Variants in RELCH observed in about 807,000 individuals in gnomAD.
RELCH encodes the protein RAB11 binding and LisH domain, coiled-coil and HEAT repeat containing, also known as RAB11-binding protein RELCH.
RELCH carries 41 observed loss-of-function variants against 150.3 expected under a neutral mutation model. That is an observed-to-expected ratio of 0.27 (90% CI 0.21 to 0.35). RELCH has a LOEUF of 0.35. RELCH is among the 10% of genes least tolerant of loss of function. RELCH has a pLI of 1.00. For synonymous variants in RELCH, 478 were observed against 531.8 expected (o/e 0.90, Z 1.39); for missense variants, 1,092 against 1,467.8 (o/e 0.74, Z 4.18).
chr18:62,302,590 G>T (rs965833629), intron 28 of RELCH, among the ~76,000 whole-genome samples: 1 of 151,924 alleles, frequency 6.6e-6, no homozygotes, highest in African/African-American at 2.4e-5. Flanking sequence ...GCACCATCTC[G>T]GCTCACTGCA....
chr18:62,253,173 G>A (rs1423048819), intron 12 of RELCH, among the ~76,000 whole-genome samples: 1 of 151,806 alleles, frequency 6.6e-6, no homozygotes, highest in East Asian at 1.9e-4. Flanking sequence ...GAATCTCTGA[G>A]GCAATGATGT....
intron 2 of RELCH, among the ~76,000 whole-genome samples, chr18:62,220,531 C>T (rs1370932644): frequency 4.6e-5 from 7 of 151,724 alleles, no homozygotes; most frequent in Middle Eastern, 3.4e-3. Context: ...CGTCTCTATA[C>T]GTTGATTTAT....
intron 12 of RELCH, 123 bp from the exon 13 acceptor site, chr18:62,255,284 A>G: frequency 1.4e-6 from 1 of 730,192 alleles, no homozygotes; most frequent in Non-Finnish European, 2.4e-6. Context: ...AGGGATTCCC[A>G]GAAGTGGAAA....
intron 2 of RELCH, among the ~76,000 whole-genome samples, chr18:62,211,834 CT>C (rs1460303149): frequency 2.0e-5 from 3 of 152,126 alleles, no homozygotes; most frequent in African/African-American, 7.2e-5. Context: ...GTGCTTGTTG[CT>C]AAAACTTTGC....
intron 23 of RELCH, chr18:62,280,415 T>C: frequency 6.2e-7 from 1 of 1,614,024 alleles, no homozygotes. Context: ...GCTCCGGCCC[T>C]TGTTACCTTG....
intron 8 of RELCH, among the ~76,000 whole-genome samples, chr18:62,229,279 ATATCC>A (rs2041405817): frequency 6.6e-6 from 1 of 152,054 alleles, no homozygotes; most frequent in Non-Finnish European, 1.5e-5. Context: ...ATTCTTACAA[ATATCC>A]TATGGTGCAT....
At chr18:62,261,712 C>A in intron 16 of RELCH, 54 bp downstream of exon 16, 2 of 1,493,502 alleles carry the variant, frequency 1.3e-6, no homozygotes, top group East Asian at 2.3e-5. Context: ...GCCTAGCTTC[C>A]CAAAGAATTG....
chr18:62,210,426 A>C (rs2040083914), intron 1 of RELCH, among the ~76,000 whole-genome samples: 1 of 152,122 alleles, frequency 6.6e-6, no homozygotes, highest in African/African-American at 2.4e-5. Flanking sequence ...AATAATTTCC[A>C]TTAATCCATC....
chr18:62,207,600 C>G (rs1039167038), intron 1 of RELCH, among the ~76,000 whole-genome samples: 1 of 152,218 alleles, frequency 6.6e-6, no homozygotes, highest in Non-Finnish European at 1.5e-5. Context: ...ACCATTCCCA[C>G]CAGCTAGATG....
intron 1 of RELCH, among the ~76,000 whole-genome samples, chr18:62,202,630 T>C (rs1455618087): frequency 1.3e-5 from 2 of 152,182 alleles, no homozygotes; most frequent in African/African-American, 4.8e-5. Flanking sequence ...TGTGTTTGCT[T>C]TCCCCCAAGA....
At chr18:62,266,855 A>G (rs1415870005) in intron 19 of RELCH, 106 bp downstream of exon 19, 5 of 656,088 alleles carry the variant, frequency 7.6e-6, no homozygotes, top group African/African-American at 1.9e-5. Context: ...AGCAACTACA[A>G]TTGAAAAGGA....
At chr18:62,217,332 G>T (rs908224263) in intron 2 of RELCH, among the ~76,000 whole-genome samples, 6 of 151,870 alleles carry the variant, frequency 4.0e-5, no homozygotes, top group African/African-American at 1.4e-4. Context: ...TTAGGTTATT[G>T]TAGTAATTTA....
At position 62,267,482 on chromosome 18, in the gene RELCH, ATATG is replaced by A. The variant is rs1375006584; in HGVS notation, c.2680+735_2680+738del. Among the ~76,000 whole-genome samples the A allele has an allele frequency of 7.5e-3, 667 of 89,240 alleles. 5 individuals are homozygous for A. The highest frequency in any genetic ancestry group is 0.027 in the African/African-American group (616 of 22,982). The allele number at this position is 89,240 out of a possible 152,430, so 58.5% of individuals were successfully genotyped here. A position where few individuals can be genotyped will look rare whatever the true frequency, so the allele number is the denominator to read the frequency against. On this transcript the variant is annotated intron_variant, in intron 19 of 28. Coordinates refer to ENST00000644646, the MANE Select transcript of RELCH (RefSeq NM_001346231.2). ...TAGAATATATATATAGTCTAGGTAT[ATATG>A]TGTGTGTGTGTGTGTGTGTGTGTGT...
chr18:62,197,467 G>GCTCCCAGC (rs1230517432), intron 1 of RELCH, among the ~76,000 whole-genome samples: 5 of 152,104 alleles, frequency 3.3e-5, no homozygotes, highest in African/African-American at 4.8e-5. Context: ...CTATCCTGCA[G>GCTCCCAGC]CTCCCAGCCT....
rs372575388 is a variant in RELCH at position 62,227,392 on chromosome 18, T to A, written c.962T>A (p.Leu321His). ...AATCATCAAGTAACTGGAAAAGATC[T>A]TGTAGATGTGGCCAGTGGAGTAGAA... Reference protein sequence around the residue: ...FGNHQVTGKDLVDVASGVEED... With the variant: ...FGNHQVTGKDHVDVASGVEED... The change falls in exon 6 of 29, where the codon CTT becomes CAT. Residue 321 changes from leucine to histidine, a missense_variant. Coordinates refer to ENST00000644646, the MANE Select transcript of RELCH (RefSeq NM_001346231.2). The A allele has an allele frequency of 7.4e-6, 12 of 1,612,852 alleles. No homozygotes were observed. The highest frequency in any genetic ancestry group is 1.0e-5 in the Non-Finnish European group (12 of 1,179,296).
At chr18:62,277,730 A>G (rs932960032) in intron 22 of RELCH, 1 of 910,558 alleles carries the variant, frequency 1.1e-6, no homozygotes, top group Admixed American at 6.2e-5. Flanking sequence ...AACCCAATCA[A>G]TCATATTATT....
chr18:62,302,917 T>C (rs1156985364), intron 28 of RELCH, among the ~76,000 whole-genome samples: 1 of 152,188 alleles, frequency 6.6e-6, no homozygotes, highest in Admixed American at 6.5e-5. Flanking sequence ...AAAGAAAAGA[T>C]CTGAGATTTG....
In RELCH at chr18:62,187,393, A is replaced by T. The variant is rs900374423; in HGVS notation, c.-113A>T. On this transcript the variant is annotated 5_prime_UTR_variant, in exon 1 of 29. Transcript: ENST00000644646. The stretch of plus-strand genomic sequence containing the variant: ...CCTTGTCTCTAAGTCGGGAGGCAGG[A>T]CGTGGTCAGGCCGGGGCTGTGGAGG... 2 of 1,013,906 alleles carry T rather than the reference A, an allele frequency of 2.0e-6. No homozygotes were observed. The highest frequency in any genetic ancestry group is 2.7e-6 in the Non-Finnish European group (2 of 731,786). The allele number at this position is 1,013,906 out of a possible 1,614,324, so 62.8% of individuals were successfully genotyped here.
At chr18:62,263,466 C>T (rs1233153267) in intron 16 of RELCH, among the ~76,000 whole-genome samples, 1 of 151,426 alleles carries the variant, frequency 6.6e-6, no homozygotes, top group Non-Finnish European at 1.5e-5. Context: ...GTTACTATAC[C>T]TTCATTTAGG....
Sources: allele counts gnomAD v4.1 joint callset (sites outside exome capture counted in the v4.1 genomes callset), GRCh38; gene constraint gnomAD v4.1.1; transcripts MANE v1.5; gene names NCBI Gene and HGNC (gene_info 2026-07-23, HGNC 2026-07-21).